The following WDR70 variants were observed in gnomAD, a reference collection of about 807,000 sequenced individuals.
WDR70 encodes the protein WD repeat domain 70.
In WDR70, 53 loss-of-function variants were observed where a neutral mutation model predicts 88.6. The observed-to-expected ratio is 0.60, with a 90% CI of 0.48 to 0.75. WDR70 has a LOEUF of 0.75. WDR70 is among the 30% of genes least tolerant of loss of function. The pLI is 0.00. For missense variants in WDR70, 610 were observed against 823.2 expected, an observed-to-expected ratio of 0.74 and a Z score of 3.17; for synonymous variants, 280 against 270.0, an observed-to-expected ratio of 1.04 and a Z score of -0.36.
At chr5:37,434,954 A>G (rs1227994684) in intron 5 of WDR70, among the ~76,000 whole-genome samples, 2 of 152,252 alleles carry the variant, frequency 1.3e-5, no homozygotes, top group Non-Finnish European at 2.9e-5. Context: ...TTCTGGAAAA[A>G]GAACAGTCAC....
chr5:37,472,246 C>T (rs1478590570), intron 7 of WDR70, among the ~76,000 whole-genome samples: 1 of 152,016 alleles, frequency 6.6e-6, no homozygotes, highest in South Asian at 2.1e-4. Context: ...AACAAATATA[C>T]CCATCTCCTC....
rs117646343 is a variant in WDR70 at position 37,726,708 on chromosome 5, C to T, written c.1715-175C>T. Among the ~76,000 whole-genome samples, 11 of 152,220 alleles carry T rather than the reference C, an allele frequency of 7.2e-5. No homozygotes were observed. In the East Asian group the frequency reaches 9.7e-4, roughly 13 times the overall value. ...ATCTCTTCCTATTTAAAAGTGCTAT[C>T]GGGAAGTTGAGGTTTGGTGATCTCT... On this transcript the variant is annotated intron_variant, in intron 16 of 17. Coordinates refer to ENST00000265107, the MANE Select transcript of WDR70 (RefSeq NM_018034.4).
In WDR70 at chr5:37,504,691, A is replaced by G. The variant is rs1490560443; in HGVS notation, c.841-11823A>G. Among the ~76,000 whole-genome samples the G allele has an allele frequency of 2.6e-5, 4 of 152,230 alleles. No homozygotes were observed. The South Asian group carries it at 8.3e-4, about 32-fold the overall frequency. On this transcript the variant is annotated intron_variant, in intron 8 of 17. Coordinates refer to ENST00000265107, the MANE Select transcript of WDR70 (RefSeq NM_018034.4). ...AAGTTCTGATCTCTTCCCACTATGC[A>G]TATTTACCCTTTACTGTTAAGGAAA...
chr5:37,602,964 G>A (rs1235669083), intron 9 of WDR70, among the ~76,000 whole-genome samples: 1 of 151,910 alleles, frequency 6.6e-6, no homozygotes, highest in Non-Finnish European at 1.5e-5. Context: ...GCGATAGAGC[G>A]AGACTGTCTT....
chr5:37,392,261 G>A (rs1581244894), intron 4 of WDR70, 141 bp downstream of exon 4: 2 of 963,358 alleles, frequency 2.1e-6, no homozygotes, highest in Non-Finnish European at 1.5e-6. Flanking sequence ...TTGGCTGACT[G>A]TAACCTCCAT....
intron 3 of WDR70, among the ~76,000 whole-genome samples, chr5:37,387,528 A>G (rs1381396162): frequency 6.6e-6 from 1 of 152,176 alleles, no homozygotes; most frequent in South Asian, 2.1e-4. Context: ...ATCTAAACAC[A>G]TGAATCTAAA....
chr5:37,564,151 G>T (rs1485957008), intron 9 of WDR70, among the ~76,000 whole-genome samples: 1 of 151,120 alleles, frequency 6.6e-6, no homozygotes, highest in African/African-American at 2.4e-5. Flanking sequence ...TGCAATCTCG[G>T]CACTTTGCGG....
chr5:37,484,224 A>T (rs1739779641), intron 8 of WDR70, among the ~76,000 whole-genome samples: 1 of 152,318 alleles, frequency 6.6e-6, no homozygotes, highest in African/African-American at 2.4e-5. Context: ...TGGCGGTTGT[A>T]GCTAGCCGAG....
intron 15 of WDR70, chr5:37,723,473 C>T (rs767233453): frequency 6.5e-6 from 1 of 152,692 alleles, no homozygotes. Flanking sequence ...AGTGGTTTCT[C>T]TCACGTATGT....
At position 37,388,234 on chromosome 5, in the gene WDR70, AGCC is replaced by A. The variant is rs1748688672; in HGVS notation, c.176-3765_176-3763del. 7.9e-5 allele frequency among the ~76,000 whole-genome samples: 12 copies of A among 151,780 alleles called. No homozygotes were observed. The South Asian group carries it at 2.3e-3, about 29-fold the overall frequency. On this transcript the variant is annotated intron_variant, in intron 3 of 17. Coordinates refer to ENST00000265107, the MANE Select transcript of WDR70 (RefSeq NM_018034.4). ...TCCCAGGTTCAAGGAATTCTTCCTCAGCCCCCTGAGTAGCTGGGATTACAGGTG... is the reference window on the plus strand; with the variant it reads ...TCCCAGGTTCAAGGAATTCTTCCTCACCCTGAGTAGCTGGGATTACAGGTG...
chr5:37,669,904 G>C (rs1745972605), intron 10 of WDR70, among the ~76,000 whole-genome samples: 1 of 152,180 alleles, frequency 6.6e-6, no homozygotes, highest in Non-Finnish European at 1.5e-5. Context: ...TACGCTAAAT[G>C]AAAGAAGCTG....
intron 8 of WDR70, among the ~76,000 whole-genome samples, chr5:37,503,650 C>A (rs1319394177): frequency 6.6e-6 from 1 of 152,028 alleles, no homozygotes; most frequent in Non-Finnish European, 1.5e-5. Flanking sequence ...GTACCACATT[C>A]TCTTTCTCAA....
At chr5:37,472,029 G>GT (rs201096290) in intron 7 of WDR70, among the ~76,000 whole-genome samples, 100 of 150,514 alleles carry the variant, frequency 6.6e-4, no homozygotes, top group Admixed American at 4.2e-3. Context: ...ATTTGTTATA[G>GT]TTTTTTTTTA....
chr5:37,619,277 A>T (rs1433442429), intron 10 of WDR70, among the ~76,000 whole-genome samples: 3 of 110,672 alleles, frequency 2.7e-5, no homozygotes, highest in Non-Finnish European at 4.8e-5. Flanking sequence ...CCTAATTCTT[A>T]AAAAAAAAAA....
intron 9 of WDR70, among the ~76,000 whole-genome samples, chr5:37,569,368 T>C (rs1489270438): frequency 6.6e-6 from 1 of 152,210 alleles, no homozygotes; most frequent in Admixed American, 6.5e-5. Flanking sequence ...TTTGCAAAAT[T>C]AGTGAATCAA....
intron 8 of WDR70, 136 bp downstream of exon 8, chr5:37,480,123 G>T (rs1266136457): frequency 1.8e-6 from 2 of 1,142,240 alleles, no homozygotes; most frequent in East Asian, 2.6e-5. Flanking sequence ...TCACAATCAT[G>T]TGGATTGATT....
intron 10 of WDR70, among the ~76,000 whole-genome samples, chr5:37,605,894 G>T (rs1744019355): frequency 6.6e-6 from 1 of 152,116 alleles, no homozygotes; most frequent in South Asian, 2.1e-4. Flanking sequence ...GTAAAACAAA[G>T]ATGTTTGTTA....
chr5:37,610,538 AT>A (rs1326663874), intron 10 of WDR70, among the ~76,000 whole-genome samples: 1 of 151,968 alleles, frequency 6.6e-6, no homozygotes, highest in Non-Finnish European at 1.5e-5. Flanking sequence ...AAATTACCTG[AT>A]AGGTATCCTT....
At chr5:37,742,963 C>G (rs142491375) in intron 17 of WDR70, among the ~76,000 whole-genome samples, 1 of 152,316 alleles carries the variant, frequency 6.6e-6, no homozygotes, top group Non-Finnish European at 1.5e-5. Context: ...TTACAACTTT[C>G]AAGTTAGATG....
Sources: allele counts gnomAD v4.1 joint callset (sites outside exome capture counted in the v4.1 genomes callset), GRCh38; gene constraint gnomAD v4.1.1; transcripts MANE v1.5; gene names NCBI Gene and HGNC (gene_info 2026-07-23, HGNC 2026-07-21).